Variants in AIFM3 observed in about 807,000 individuals in gnomAD.
AIFM3 encodes the protein apoptosis-inducing factor 3.
AIFM3 carries 71 observed loss-of-function variants against 82.7 expected under a neutral mutation model. That is an observed-to-expected ratio of 0.86 (90% confidence interval 0.71 to 1.05). The LOEUF (loss-of-function observed/expected upper bound fraction) is 1.05. Ranked by LOEUF, AIFM3 falls within the 50% of genes least tolerant of loss-of-function variation. The pLI is 0.00. For synonymous variants in AIFM3, 337 were observed against 329.1 expected (o/e 1.02, Z -0.26); for missense variants, 748 against 816.7 (o/e 0.92, Z 1.03).
chr22:20,972,080 T>G (rs1470859248), intron 2 of AIFM3, among the ~76,000 whole-genome samples: 1 of 152,154 alleles, frequency 6.6e-6, no homozygotes, highest in South Asian at 2.1e-4. Flanking sequence ...TGATGAAGGA[T>G]TCTCAAATTG....
intron 2 of AIFM3, 133 bp downstream of exon 2, chr22:20,968,108 G>C (rs1923034948): frequency 1.1e-6 from 1 of 924,990 alleles, no homozygotes. Context: ...CGCTCGGAAT[G>C]TTAATACGCT....
intron 19 of AIFM3, 110 bp from the exon 20 acceptor site, chr22:20,980,637 G>C: frequency 6.8e-7 from 1 of 1,469,094 alleles, no homozygotes; most frequent in Non-Finnish European, 9.5e-7. Flanking sequence ...GAGGCTATGA[G>C]ACAGGGGCAG....
chr22:20,979,398 G>T (rs1923924942), intron 17 of AIFM3, 29 bp downstream of exon 17: 1 of 1,547,200 alleles, frequency 6.5e-7, no homozygotes, highest in African/African-American at 1.4e-5. Context: ...ATGGGGGCGG[G>T]GCCGAGGGCG....
At chr22:20,979,805 C>G in intron 18 of AIFM3, 103 bp downstream of exon 18, 1 of 1,442,748 alleles carries the variant, frequency 6.9e-7, no homozygotes, top group Non-Finnish European at 9.6e-7. Context: ...AGCCCTGAGC[C>G]CCGCTGAGGA....
At chr22:20,966,217 C>G (rs1330081746), upstream of AIFM3, among the ~76,000 whole-genome samples, 1 of 152,080 alleles carries the variant, frequency 6.6e-6, no homozygotes, top group African/African-American at 2.4e-5. Context: ...TCAGGTGAGG[C>G]CTGAGGTCAG....
rs765558479 is a variant in AIFM3, at chr22:20,979,677, C to T, written c.1627C>T (p.Leu543=). Residue 543 remains leucine, a synonymous_variant, in exon 18 of 21, where the codon CTG becomes TTG. Transcript: ENST00000440238. ...CATCATCCAGGGGGATCTGGAGGAG[C>T]TGAAGTTTGTGGCTTTTTACACTAA... The part of the protein sequence containing the change: ...DVIIQGDLEE[L]KFVAFYTKGD... 8 of 1,614,096 alleles carry T rather than the reference C, an allele frequency of 5.0e-6. No individual in the cohort carries two copies. In the East Asian group the frequency reaches 1.8e-4, roughly 36 times the overall value.
chr22:20,966,106 TG>T (rs1239766953), upstream of AIFM3, among the ~76,000 whole-genome samples: 1 of 152,086 alleles, frequency 6.6e-6, no homozygotes, highest in African/African-American at 2.4e-5. Flanking sequence ...GCCCAGGCCC[TG>T]GGGGATTCAG....
chr22:20,975,977 T>C (rs178268), intron 9 of AIFM3, among the ~76,000 whole-genome samples, 199 bp downstream of exon 9: 92,462 of 152,146 alleles, frequency 0.61, 29,599 homozygotes, highest in East Asian at 0.82. Context: ...CCACGGTGTG[T>C]GGAGATGAAC....
intron 17 of AIFM3, 85 bp downstream of exon 17, chr22:20,979,454 G>A (rs112262242): frequency 0.042 from 62,465 of 1,475,618 alleles, 2,045 homozygotes; most frequent in African/African-American, 0.09. Flanking sequence ...GAGCCTAGGG[G>A]CAGGGCTATG....
intron 2 of AIFM3, among the ~76,000 whole-genome samples, chr22:20,972,921 C>T (rs1923360694): frequency 6.6e-6 from 1 of 152,004 alleles, no homozygotes; most frequent in Admixed American, 6.6e-5. Context: ...GTGGTATGCA[C>T]ATGAAGTCCC....
intron 4 of AIFM3, 56 bp downstream of exon 4, chr22:20,973,923 G>A: frequency 6.8e-7 from 1 of 1,480,272 alleles, no homozygotes; most frequent in East Asian, 2.5e-5. Flanking sequence ...TGCCAGCTTG[G>A]CTCCTCCCCA....
chr22:20,980,225 T>C, intron 19 of AIFM3, 101 bp downstream of exon 19: 1 of 1,080,658 alleles, frequency 9.3e-7, no homozygotes, highest in Non-Finnish European at 1.3e-6. Context: ...TCCAGGGCCT[T>C]TCCCCTCTTG....
chr22:20,976,897 A>G lies in AIFM3; in HGVS notation c.1177A>G (p.Met393Val), dbSNP rs751662410. Residue 393 changes from methionine (M) to valine (V), a missense_variant, in exon 13 of 21, where the codon ATG becomes GTG. By Grantham distance (21) the Met-to-Val change is conservative. This residue lies in a region of AIFM3 where 393 missense variants were observed against 481.1 expected (regional missense o/e 0.82). Transcript: ENST00000440238. Reference sequence around the variant, plus strand: ...TGAGAACAACCGGGTGAAGTTCTACATGCAGACGGAGGTGTCTGAGCTGCG... The same window carrying G: ...TGAGAACAACCGGGTGAAGTTCTACGTGCAGACGGAGGTGTCTGAGCTGCG... ...MFENNRVKFY[M>V]QTEVSELRGQ... is the part of the protein sequence containing the mutation. 1.4e-5 allele frequency: 22 copies of G among 1,607,626 alleles called. No homozygotes were observed. The highest frequency in any genetic ancestry group is 2.2e-5 in the South Asian group (2 of 90,530).
Position 20,967,788 on chromosome 22 carries a change from T to G in AIFM3, c.-140-17T>G. 8.1e-6 allele frequency: 6 copies of G among 740,844 alleles called. No homozygotes were observed. The South Asian group carries it at 9.3e-5, about 11-fold the overall frequency. The allele number at this position is 740,844 out of a possible 1,614,324, so 45.9% of individuals were successfully genotyped here. On this transcript the variant is annotated splice_polypyrimidine_tract_variant and intron_variant, in intron 1 of 20. Transcript: ENST00000440238. ...GCCCACACGCCCCGGTCCTGATGGC[T>G]CCAGTCTCCCCTGCAGGTCCTAGAG...
intron 19 of AIFM3, chr22:20,980,345 T>C (rs1924014577): frequency 1.7e-6 from 1 of 605,132 alleles, no homozygotes. Context: ...TAGAGATGTG[T>C]GTCACCAGGC....
At chr22:20,973,220 C>T (rs553579061) in intron 2 of AIFM3, 87 bp from the exon 3 acceptor site, 2 of 1,475,636 alleles carry the variant, frequency 1.4e-6, no homozygotes, top group Non-Finnish European at 1.8e-6. Flanking sequence ...TCCTGGCACC[C>T]CGAGGAGCTG....
chr22:20,968,780 C>T (rs958912749), intron 2 of AIFM3, among the ~76,000 whole-genome samples: 3 of 152,124 alleles, frequency 2.0e-5, no homozygotes, highest in Non-Finnish European at 4.4e-5. Flanking sequence ...CTCCACTCAA[C>T]CTGCCAGGCC....
In AIFM3 at chr22:20,979,382, C is replaced by A; in HGVS notation, c.1576+13C>A. 1 of 1,542,936 alleles carries A rather than the reference C, an allele frequency of 6.5e-7. No individual in the cohort carries two copies. Among genetic ancestry groups the A allele is most frequent in the Non-Finnish European group, 8.8e-7 (1 of 1,142,550 alleles). ...CTGCGCTACGCGGGTAACCCCGGGG[C>A]CTCGGATGGGGGCGGGGCCGAGGGC... On this transcript the variant is annotated intron_variant, in intron 17 of 20. Coordinates refer to ENST00000440238, the MANE Select transcript of AIFM3 (RefSeq NM_001386814.1).
At chr22:20,974,909 G>A (rs561952956) in intron 8 of AIFM3, 93 bp downstream of exon 8, 31 of 1,271,346 alleles carry the variant, frequency 2.4e-5, no homozygotes, top group Admixed American at 6.3e-5. Context: ...GGGTCTGGCC[G>A]GCTGCCCTCC....
Sources: gnomAD v4.1 joint callset for allele counts (sites outside exome capture counted in the v4.1 genomes callset) on GRCh38, gnomAD v4.1.1 for gene constraint, gnomAD v4.1.1 regional missense constraint, MANE v1.5 for transcripts, NCBI Gene and HGNC (gene_info 2026-07-23, HGNC 2026-07-21) for gene names.